PLPP1: variants seen among roughly 807,000 people sequenced by gnomAD.
PLPP1 encodes lipid phosphate phosphohydrolase 1a.
PLPP1 carries 24 observed loss-of-function variants against 31.2 expected under a neutral mutation model. That is an observed-to-expected ratio of 0.77 (90% CI 0.56 to 1.08). PLPP1 has a LOEUF of 1.08. PLPP1 is among the 50% of genes least tolerant of loss of function. The probability of loss-of-function intolerance (pLI) is 0.00; values close to 1 mark genes in which losing one functional copy is unlikely to be tolerated. For synonymous variants in PLPP1, 146 were observed against 126.3 expected (o/e 1.16, Z -1.05); for missense variants, 319 against 342.7 (o/e 0.93, Z 0.55).
chr5:55,463,678 T>C (rs1446881671), intron 3 of PLPP1, among the ~76,000 whole-genome samples: 1 of 151,684 alleles, frequency 6.6e-6, no homozygotes, highest in Non-Finnish European at 1.5e-5. Context: ...TGGTGGCTCA[T>C]GTTTATAATC....
chr5:55,516,155 C>G (rs1043128870), intron 1 of PLPP1, among the ~76,000 whole-genome samples: 1 of 152,116 alleles, frequency 6.6e-6, no homozygotes, highest in Non-Finnish European at 1.5e-5. Flanking sequence ...AACATGTCAC[C>G]AAGACAGGTA....
intron 4 of PLPP1, among the ~76,000 whole-genome samples, chr5:55,437,229 A>G (rs1210887164): frequency 1.3e-5 from 2 of 152,380 alleles, no homozygotes; most frequent in East Asian, 3.9e-4. Flanking sequence ...TAATTAGAAT[A>G]TCTCACCTTT....
At chr5:55,530,384 C>T (rs1740617600) in intron 1 of PLPP1, 2 of 1,310,186 alleles carry the variant, frequency 1.5e-6, no homozygotes, top group Admixed American at 1.7e-5. Flanking sequence ...CCAGTAAACG[C>T]TCTCTGGTAA....
At chr5:55,500,274 T>C (rs1172410738) in intron 1 of PLPP1, among the ~76,000 whole-genome samples, 2 of 151,636 alleles carry the variant, frequency 1.3e-5, no homozygotes, top group East Asian at 3.9e-4. Flanking sequence ...AGAGACGGGG[T>C]TTCACCGTGT....
intron 2 of PLPP1, among the ~76,000 whole-genome samples, chr5:55,473,147 A>T (rs1752458415): frequency 6.6e-6 from 1 of 152,228 alleles, no homozygotes; most frequent in Non-Finnish European, 1.5e-5. Context: ...CTTTTTAAAA[A>T]AAGACCCTAC....
intron 1 of PLPP1, among the ~76,000 whole-genome samples, chr5:55,524,724 C>T (rs1272032510): frequency 6.6e-6 from 1 of 152,074 alleles, no homozygotes; most frequent in East Asian, 1.9e-4. Flanking sequence ...GCAGGAGAAT[C>T]GCTTGTACCT....
chr5:55,533,317 A>C (rs1740745932), intron 1 of PLPP1, among the ~76,000 whole-genome samples: 1 of 150,760 alleles, frequency 6.6e-6, no homozygotes, highest in African/African-American at 2.4e-5. Context: ...CAGGCGGCAG[A>C]GGCTGCAGTG....
chr5:55,483,888 G>C (rs1752720848), intron 1 of PLPP1, among the ~76,000 whole-genome samples: 1 of 152,108 alleles, frequency 6.6e-6, no homozygotes, highest in Admixed American at 6.5e-5. Context: ...AATTAACCTA[G>C]AACAAAGGTT....
chr5:55,426,130 A>T, intron 4 of PLPP1, 91 bp from the exon 5 acceptor site: 2 of 1,149,436 alleles, frequency 1.7e-6, no homozygotes, highest in Non-Finnish European at 2.4e-6. Context: ...AATGATTATC[A>T]AAGTATTATT....
chr5:55,426,110 T>C, intron 4 of PLPP1, 71 bp from the exon 5 acceptor site: 2 of 1,343,232 alleles, frequency 1.5e-6, no homozygotes, highest in Non-Finnish European at 2.0e-6. Flanking sequence ...AAGGAAGGGT[T>C]GGCATTTGAA....
chr5:55,496,359 G>T (rs976781086), intron 1 of PLPP1, among the ~76,000 whole-genome samples: 5 of 152,058 alleles, frequency 3.3e-5, no homozygotes, highest in African/African-American at 1.2e-4. Context: ...TCCTTAAGAG[G>T]AGTCACTTTT....
intron 4 of PLPP1, among the ~76,000 whole-genome samples, chr5:55,426,898 TTATGATCCAGCCAAGAAGTG>T (rs1751212368): frequency 6.6e-6 from 1 of 152,212 alleles, no homozygotes; most frequent in Admixed American, 6.5e-5. Context: ...TGTAGTTTAG[TTATGATCCAGCCAAGAAGTG>T]TATTCTTTCA....
rs371735851 is a variant in PLPP1 at position 55,460,142 on chromosome 5, A to AG, written c.491+7726dup. On this transcript the variant is annotated intron_variant, in intron 3 of 5. Coordinates refer to ENST00000307259, the MANE Select transcript of PLPP1 (RefSeq NM_003711.4). Reference sequence around the variant, plus strand: ...ATTATATGTGAAGTTTTGACTGCACAGGGGGTCAGCGCCCCAGTCCCTGCA... The same window carrying AG: ...ATTATATGTGAAGTTTTGACTGCACAGGGGGGTCAGCGCCCCAGTCCCTGCA... Among the ~76,000 whole-genome samples the AG allele has an allele frequency of 1.3e-3, 204 of 152,332 alleles. 2 individuals are homozygous for AG. In the Middle Eastern group the frequency reaches 0.024, roughly 18 times the overall value.
intron 2 of PLPP1, 67 bp from the exon 3 acceptor site, chr5:55,468,216 A>G: frequency 1.4e-6 from 2 of 1,382,064 alleles, no homozygotes; most frequent in South Asian, 2.9e-5. Context: ...AACAAAACAT[A>G]GGGGGAAAAA....
At chr5:55,451,752 G>T (rs1358994088) in intron 3 of PLPP1, among the ~76,000 whole-genome samples, 1 of 151,984 alleles carries the variant, frequency 6.6e-6, no homozygotes, top group East Asian at 1.9e-4. Context: ...TAGTAGAGAC[G>T]GGGTTTCACC....
At chr5:55,468,420 A>T (rs918668208) in intron 2 of PLPP1, 18 of 274,428 alleles carry the variant, frequency 6.6e-5, no homozygotes, top group Non-Finnish European at 1.0e-4. Context: ...ACAAGATCTT[A>T]TTTTTTTTTT....
intron 4 of PLPP1, among the ~76,000 whole-genome samples, chr5:55,438,603 G>A (rs945637853): frequency 2.0e-5 from 3 of 152,048 alleles, no homozygotes; most frequent in South Asian, 2.1e-4. Context: ...GGGCTTAGAG[G>A]TTAAATGTTG....
At chr5:55,500,965 T>C (rs914506154) in intron 1 of PLPP1, among the ~76,000 whole-genome samples, 2 of 152,224 alleles carry the variant, frequency 1.3e-5, no homozygotes, top group African/African-American at 4.8e-5. Context: ...AAGTCCTACC[T>C]ATATTAAGAA....
intron 3 of PLPP1, among the ~76,000 whole-genome samples, chr5:55,464,235 CT>C (rs35680320): frequency 0.86 from 120,031 of 139,326 alleles, 51,720 homozygotes; most frequent in Admixed American, 0.9. Context: ...TTCAGAACAT[CT>C]TTTTTTTTTT....
Sources: gnomAD v4.1 joint callset for allele counts (sites outside exome capture counted in the v4.1 genomes callset) on GRCh38, gnomAD v4.1.1 for gene constraint, MANE v1.5 for transcripts, NCBI Gene and HGNC (gene_info 2026-07-23, HGNC 2026-07-21) for gene names.